The following NPL variants were observed in gnomAD, a reference collection of about 807,000 sequenced individuals.
The protein encoded by NPL is N-acetylneuraminate lyase.
NPL carries 32 observed loss-of-function variants against 41.1 expected under a neutral mutation model. The observed-to-expected ratio is 0.78, with a 90% CI of 0.59 to 1.05. The LOEUF is 1.05. Among genes scored for constraint, NPL ranks in the 50% least tolerant of loss-of-function variants. The pLI is 0.00. For synonymous variants in NPL, 128 were observed against 134.9 expected, an observed-to-expected ratio of 0.95 and a Z score of 0.35; for missense variants, 321 against 378.4, an observed-to-expected ratio of 0.85 and a Z score of 1.26.
At chr1:182,793,376 C>T (rs149602772) in intron 2 of NPL, among the ~76,000 whole-genome samples, 1,811 of 152,160 alleles carry the variant, frequency 0.012, 32 homozygotes, top group African/African-American at 0.041. Context: ...GATCCTTTGG[C>T]CCCAAATGAG....
intron 6 of NPL, among the ~76,000 whole-genome samples, chr1:182,814,421 A>G (rs1376324458): frequency 1.3e-5 from 2 of 152,220 alleles, no homozygotes; most frequent in Admixed American, 1.3e-4. Context: ...CTGTCTTGTC[A>G]TTGGACAGAA....
At chr1:182,826,896 TC>T (rs1667645457) in intron 12 of NPL, 2 of 152,320 alleles carry the variant, frequency 1.3e-5, no homozygotes, top group African/African-American at 4.8e-5. Flanking sequence ...CTATGTTTTT[TC>T]CTGTACATGC....
chr1:182,797,730 C>T (rs944957245), intron 3 of NPL, among the ~76,000 whole-genome samples: 3 of 152,156 alleles, frequency 2.0e-5, no homozygotes, highest in African/African-American at 7.2e-5. Flanking sequence ...CCCTGTGATC[C>T]CATAGCACCC....
chr1:182,824,074 A>G (rs900310360), intron 11 of NPL, among the ~76,000 whole-genome samples: 1 of 152,250 alleles, frequency 6.6e-6, no homozygotes, highest in Non-Finnish European at 1.5e-5. Context: ...ACTTTAATGT[A>G]CTTAAGTGCC....
chr1:182,807,588 C>T (rs1429614478), intron 5 of NPL, among the ~76,000 whole-genome samples: 1 of 151,848 alleles, frequency 6.6e-6, no homozygotes, highest in Non-Finnish European at 1.5e-5. Flanking sequence ...ACATTAAGAA[C>T]AGTACTGGCC....
chr1:182,801,368 C>T (rs1489772054), intron 3 of NPL, among the ~76,000 whole-genome samples: 1 of 152,132 alleles, frequency 6.6e-6, no homozygotes, highest in East Asian at 1.9e-4. Flanking sequence ...TGCCTCCCAG[C>T]AAGGCCTGAG....
rs114297022 is a variant in NPL at position 182,799,614 on chromosome 1, T to C, written c.69-4084T>C. Reference sequence around the variant, plus strand: ...AATTAAAAAAAAAAGTTAAATAAAATTAGTGGGGCACAGTGGCACACATCT... The same window carrying C: ...AATTAAAAAAAAAAGTTAAATAAAACTAGTGGGGCACAGTGGCACACATCT... On this transcript the variant is annotated intron_variant, in intron 3 of 12. Coordinates refer to ENST00000367553, the MANE Select transcript of NPL (RefSeq NM_030769.3). 9.9e-3 allele frequency among the ~76,000 whole-genome samples: 1,490 copies of C among 151,050 alleles called. 25 individuals carry two copies. The highest frequency in any genetic ancestry group is 0.034 in the African/African-American group (1,410 of 41,106).
chr1:182,827,058 T>C (rs1461830216), intron 12 of NPL: 1 of 152,210 alleles, frequency 6.6e-6, no homozygotes, highest in Non-Finnish European at 1.5e-5. Flanking sequence ...TACCTTATTA[T>C]TTTTGGACTG....
rs1667504732 is a variant in NPL, at chr1:182,822,173, G to T, written c.712G>T (p.Asp238Tyr). ...NQMLEAFEQK[D>Y]FSLALNYQFC... is the part of the protein sequence containing the mutation. The stretch of plus-strand genomic sequence containing the variant: ...GATGTTGGAGGCTTTTGAACAAAAG[G>T]ACTTCTCTTTAGCCCTGAACTATCA... The change falls in exon 11 of 13, where the codon GAC (aspartate) becomes TAC (tyrosine). Residue 238 changes from aspartate to tyrosine, a missense_variant. By Grantham distance (160) the Asp-to-Tyr change is radical. Coordinates refer to ENST00000367553, the MANE Select transcript of NPL (RefSeq NM_030769.3). 1.2e-6 allele frequency: 2 copies of T among 1,613,222 alleles called. No individual in the cohort carries two copies. Among genetic ancestry groups the T allele is most frequent in the Non-Finnish European group, 1.7e-6 (2 of 1,179,286 alleles).
chr1:182,808,849 C>T (rs1237231484), intron 5 of NPL, among the ~76,000 whole-genome samples: 1 of 151,442 alleles, frequency 6.6e-6, no homozygotes, highest in Non-Finnish European at 1.5e-5. Context: ...GTCCCAGCCA[C>T]TTGGGAGGCT....
chr1:182,829,666 C>G lies in NPL; in HGVS notation c.*758C>G, dbSNP rs1456589134. Reference sequence around the variant, plus strand: ...CTTCCTCTGGGCACCACAAACTTCCCCTTCCTCCACTGAGAAGACTGTCTC... The same window carrying G: ...CTTCCTCTGGGCACCACAAACTTCCGCTTCCTCCACTGAGAAGACTGTCTC... On this transcript the variant is annotated 3_prime_UTR_variant, in exon 13 of 13. Transcript: ENST00000367553. 1.3e-6 allele frequency: 2 copies of G among 1,541,014 alleles called. No homozygotes were observed. Among genetic ancestry groups the G allele is most frequent in the Non-Finnish European group, 1.8e-6 (2 of 1,137,916 alleles).
chr1:182,794,117 C>A (rs1319834358), intron 2 of NPL, among the ~76,000 whole-genome samples: 1 of 152,206 alleles, frequency 6.6e-6, no homozygotes, highest in Non-Finnish European at 1.5e-5. Flanking sequence ...CTTCCATCAT[C>A]TGTATAGCTA....
At chr1:182,804,190 G>A (rs1571432941) in intron 4 of NPL, among the ~76,000 whole-genome samples, 1 of 152,126 alleles carries the variant, frequency 6.6e-6, no homozygotes, top group Non-Finnish European at 1.5e-5. Context: ...GAATGCAGTG[G>A]CACCATCAGC....
chr1:182,798,489 A>G (rs909378343), intron 3 of NPL, among the ~76,000 whole-genome samples: 5 of 152,084 alleles, frequency 3.3e-5, no homozygotes, highest in Non-Finnish European at 5.9e-5. Flanking sequence ...CGGCCTCCCA[A>G]GGTGCTGGGA....
chr1:182,824,535 C>T (rs986997387), intron 11 of NPL, among the ~76,000 whole-genome samples: 3 of 152,078 alleles, frequency 2.0e-5, no homozygotes, highest in Admixed American at 6.6e-5. Context: ...CGGTGGCTCA[C>T]GCCTGTAATC....
At chr1:182,824,746 G>A (rs1392314787) in intron 11 of NPL, among the ~76,000 whole-genome samples, 2 of 152,078 alleles carry the variant, frequency 1.3e-5, no homozygotes, top group African/African-American at 4.8e-5. Flanking sequence ...GCAGTGAGGC[G>A]AGATCATGCC....
chr1:182,820,641 G>A (rs1667464287), intron 10 of NPL, among the ~76,000 whole-genome samples: 1 of 152,188 alleles, frequency 6.6e-6, no homozygotes, highest in Non-Finnish European at 1.5e-5. Flanking sequence ...CATGGCGGAA[G>A]GCTAAGCAGG....
chr1:182,805,064 G>A (rs1666965720), intron 4 of NPL, among the ~76,000 whole-genome samples: 1 of 152,184 alleles, frequency 6.6e-6, no homozygotes, highest in South Asian at 2.1e-4. Context: ...GAGATTCAGA[G>A]TGCCACCATA....
At chr1:182,806,287 G>T in intron 5 of NPL, 55 bp downstream of exon 5, 1 of 1,610,630 alleles carries the variant, frequency 6.2e-7, no homozygotes, top group South Asian at 1.1e-5. Flanking sequence ...TATTCAGTGA[G>T]CCTCTTCCCC....
Sources: gnomAD v4.1 joint callset for allele counts (sites outside exome capture counted in the v4.1 genomes callset) on GRCh38, gnomAD v4.1.1 for gene constraint, MANE v1.5 for transcripts, NCBI Gene and HGNC (gene_info 2026-07-23, HGNC 2026-07-21) for gene names.